Variants in AK5 observed in about 807,000 individuals in gnomAD.
AK5 encodes the protein adenylate kinase isoenzyme 5.
Under a neutral mutation model 69.5 loss-of-function variants are expected in AK5, and 27 were observed. That is an observed-to-expected ratio of 0.39 (90% confidence interval 0.29 to 0.54). The LOEUF is 0.54. Among genes scored for constraint, AK5 ranks in the 20% least tolerant of loss-of-function variants. The pLI is 0.71. For synonymous variants in AK5, 260 were observed against 244.4 expected, an observed-to-expected ratio of 1.06 and a Z score of -0.60; for missense variants, 531 against 700.4, an observed-to-expected ratio of 0.76 and a Z score of 2.73.
chr1:77,518,326 T>G (rs754517990), intron 10 of AK5, among the ~76,000 whole-genome samples: 88 of 152,218 alleles, frequency 5.8e-4, no homozygotes, highest in Non-Finnish European at 8.5e-4. Context: ...CTGCTTGTTT[T>G]TCTGTAACAC....
At chr1:77,378,657 A>G (rs1483764156) in intron 6 of AK5, among the ~76,000 whole-genome samples, 1 of 152,232 alleles carries the variant, frequency 6.6e-6, no homozygotes, top group South Asian at 2.1e-4. Context: ...CTGATTAACT[A>G]AAAATTCATA....
chr1:77,335,569 T>A lies in AK5; in HGVS notation c.700-4808T>A, dbSNP rs546779100. Among the ~76,000 whole-genome samples, 15 of 152,318 alleles carry A rather than the reference T, an allele frequency of 9.8e-5. No homozygotes were observed. The East Asian group carries it at 2.3e-3, about 23-fold the overall frequency. ...GGTCTTCACATCTTTTAAAATAGAA[T>A]GATGTCTGCTACTAAAGTTTTGGGA... On this transcript the variant is annotated intron_variant, in intron 5 of 13. Coordinates refer to ENST00000354567, the MANE Select transcript of AK5 (RefSeq NM_174858.3).
chr1:77,402,872 C>T (rs1156480491), intron 6 of AK5, among the ~76,000 whole-genome samples: 1 of 152,210 alleles, frequency 6.6e-6, no homozygotes, highest in African/African-American at 2.4e-5. Flanking sequence ...AATCGCCACA[C>T]TGTCTTCCAC....
chr1:77,287,172 T>A (rs1658406500), intron 2 of AK5, 45 bp downstream of exon 2: 2 of 1,353,756 alleles, frequency 1.5e-6, no homozygotes, highest in Non-Finnish European at 1.9e-6. Context: ...GTTATAGCAA[T>A]TCTCTTTAAA....
chr1:77,496,821 G>A (rs564980837), intron 10 of AK5, among the ~76,000 whole-genome samples: 67 of 151,996 alleles, frequency 4.4e-4, no homozygotes, highest in Non-Finnish European at 7.9e-4. Context: ...TGCACCAATC[G>A]GCATTCTGTA....
intron 6 of AK5, among the ~76,000 whole-genome samples, chr1:77,353,891 G>A (rs1207197444): frequency 6.6e-6 from 1 of 152,230 alleles, no homozygotes; most frequent in East Asian, 1.9e-4. Flanking sequence ...AAGGAGATCA[G>A]TGAGTGGCCT....
chr1:77,375,717 C>G (rs984376112), intron 6 of AK5, among the ~76,000 whole-genome samples: 2 of 152,086 alleles, frequency 1.3e-5, no homozygotes, highest in African/African-American at 4.8e-5. Flanking sequence ...CCTACAGCCA[C>G]ACAATAGAAT....
chr1:77,424,356 G>A (rs564043231), intron 8 of AK5, among the ~76,000 whole-genome samples: 1 of 152,194 alleles, frequency 6.6e-6, no homozygotes, highest in East Asian at 1.9e-4. Flanking sequence ...GAGCTCCTCA[G>A]CTCAAGCAAT....
At chr1:77,303,207 C>T (rs1159719209) in intron 5 of AK5, among the ~76,000 whole-genome samples, 3 of 152,138 alleles carry the variant, frequency 2.0e-5, no homozygotes, top group Non-Finnish European at 2.9e-5. Context: ...TTTTTTCCAG[C>T]TCATTGTCTT....
intron 8 of AK5, among the ~76,000 whole-genome samples, chr1:77,473,637 A>G (rs2100700432): frequency 6.6e-6 from 1 of 152,244 alleles, no homozygotes; most frequent in Admixed American, 6.5e-5. Context: ...TATTTTTACT[A>G]TATTTTGAAA....
chr1:77,490,184 C>T (rs1055053632), intron 10 of AK5, among the ~76,000 whole-genome samples: 3 of 152,082 alleles, frequency 2.0e-5, no homozygotes, highest in African/African-American at 7.3e-5. Flanking sequence ...CTTGTTGCTG[C>T]TGTGGCTGTT....
At chr1:77,508,264 C>G (rs2100282599) in intron 10 of AK5, among the ~76,000 whole-genome samples, 1 of 152,298 alleles carries the variant, frequency 6.6e-6, no homozygotes, top group South Asian at 2.1e-4. Flanking sequence ...CTGTCCACTT[C>G]CAAGTAAATT....
In AK5 at chr1:77,293,811, A is replaced by G; in HGVS notation, c.266A>G (p.Asn89Ser). The stretch of plus-strand genomic sequence containing the variant: ...TTTGCAGTAATGCCTGAAAACTCAA[A>G]CTTTCCATATCGGCGGTATGACCGG... ...FLRNVMPENS[N>S]FPYRRYDRLP... Residue 89 changes from asparagine (N) to serine (S), a missense_variant, in exon 3 of 14, where the codon AAC becomes AGC. Physicochemically the swap from Asn to Ser is conservative, Grantham distance 46. Coordinates refer to ENST00000354567, the MANE Select transcript of AK5 (RefSeq NM_174858.3). 1 of 1,600,562 alleles carries G rather than the reference A, an allele frequency of 6.2e-7. No individual in the cohort carries two copies. The highest frequency in any genetic ancestry group is 8.5e-7 in the Non-Finnish European group (1 of 1,175,794).
chr1:77,311,674 T>C (rs1659969507), intron 5 of AK5, among the ~76,000 whole-genome samples: 1 of 140,404 alleles, frequency 7.1e-6, no homozygotes, highest in Admixed American at 6.9e-5. Context: ...GTCAGAGCTT[T>C]TTCCCCCTGA....
chr1:77,483,409 A>C, intron 9 of AK5, 50 bp downstream of exon 9: 1 of 1,423,646 alleles, frequency 7.0e-7, no homozygotes, highest in Non-Finnish European at 9.9e-7. Context: ...AGTAACTTTG[A>C]CCATGCCTTT....
At chr1:77,297,178 T>G (rs1659057659) in intron 3 of AK5, among the ~76,000 whole-genome samples, 1 of 152,216 alleles carries the variant, frequency 6.6e-6, no homozygotes, top group Non-Finnish European at 1.5e-5. Flanking sequence ...GAATCTATTA[T>G]TGTTATTTTG....
At chr1:77,394,480 T>C (rs1185202091) in intron 6 of AK5, among the ~76,000 whole-genome samples, 1 of 152,174 alleles carries the variant, frequency 6.6e-6, no homozygotes, top group East Asian at 1.9e-4. Context: ...GATCTCCTAC[T>C]GTAGTTCTCT....
Position 77,368,101 on chromosome 1 carries a change from T to C in AK5, c.891+27533T>C, listed in dbSNP as rs184838036. Among the ~76,000 whole-genome samples the C allele has an allele frequency of 4.1e-3, 558 of 136,742 alleles. 2 individuals are homozygous for C. The highest frequency in any genetic ancestry group is 0.014 in the African/African-American group (533 of 37,712). 89.7% of individuals were successfully genotyped at this position (136,742 alleles called of 152,430 possible). A position where few individuals can be genotyped will look rare whatever the true frequency, so the allele number is the denominator to read the frequency against. Reference sequence around the variant, plus strand: ...ATGGAAAAAATACTAAGTCTTCTGCTTAAGGTATATATAAGTTAAAAGCGA... The same window carrying C: ...ATGGAAAAAATACTAAGTCTTCTGCCTAAGGTATATATAAGTTAAAAGCGA... On this transcript the variant is annotated intron_variant, in intron 6 of 13. Coordinates refer to ENST00000354567, the MANE Select transcript of AK5 (RefSeq NM_174858.3).
chr1:77,503,446 G>GT (rs1204618647), intron 10 of AK5, among the ~76,000 whole-genome samples: 1 of 152,148 alleles, frequency 6.6e-6, no homozygotes, highest in African/African-American at 2.4e-5. Context: ...GTATTATTCA[G>GT]TTTTTTCCAT....
Sources: gnomAD v4.1 joint callset for allele counts (sites outside exome capture counted in the v4.1 genomes callset) on GRCh38, gnomAD v4.1.1 for gene constraint, MANE v1.5 for transcripts, NCBI Gene and HGNC (gene_info 2026-07-23, HGNC 2026-07-21) for gene names.